Variants in NFIX observed in about 807,000 individuals in gnomAD.
NFIX encodes nuclear factor 1 X-type.
A neutral mutation model predicts 53.3 loss-of-function variants in NFIX; 2 were observed. The observed-to-expected ratio is 0.04, with a 90% CI of 0.02 to 0.12. The LOEUF is 0.12. NFIX is among the 10% of genes least tolerant of loss of function. NFIX has a pLI of 1.00. For synonymous variants in NFIX, 244 were observed against 289.0 expected (o/e 0.84, Z 1.58); for missense variants, 310 against 674.5 (o/e 0.46, Z 5.99).
intron 2 of NFIX, among the ~76,000 whole-genome samples, chr19:13,054,515 T>G (rs1175258234): frequency 6.6e-6 from 1 of 152,018 alleles, no homozygotes; most frequent in African/African-American, 2.4e-5. Flanking sequence ...GTGGGACGTT[T>G]CCCTGCACTC....
rs201174259 is a variant in NFIX, at chr19:13,081,741, G to A, written c.1140G>A (p.Ser380=). The part of the protein sequence containing the change: ...HFPSTSIIQQ[S]SPYFTHPTIR... ...CCTCCACGTCCATCATCCAGCAGTC[G>A]AGCCCGTATTTCACGCACCCGACCA... The change falls in exon 8 of 11, where the codon TCG becomes TCA. Residue 380 remains serine (S), a synonymous_variant. Transcript: ENST00000592199. The surrounding 1 kb of genome is among the most constrained non-coding windows in gnomAD (Gnocchi z 4.7). 3.0e-3 allele frequency: 4,773 copies of A among 1,613,872 alleles called. 6 individuals carry two copies. The highest frequency in any genetic ancestry group is 3.5e-3 in the Non-Finnish European group (4,140 of 1,179,878).
intron 1 of NFIX, among the ~76,000 whole-genome samples, chr19:13,007,809 G>A (rs1407022901): frequency 2.0e-5 from 3 of 151,888 alleles, no homozygotes; most frequent in South Asian, 2.1e-4. Context: ...AACCCAAGGC[G>A]GCCCTGTGGA....
chr19:13,090,528 C>A lies in NFIX; in HGVS notation c.1494+138C>A. On this transcript the variant is annotated intron_variant, in intron 10 of 10. Coordinates refer to ENST00000592199, the MANE Select transcript of NFIX (RefSeq NM_001365902.3). The surrounding 1 kb of genome is among the most constrained non-coding windows in gnomAD (Gnocchi z 6.6). ...AGGTCTGAGGTGGGGCTGGAGGGCC[C>A]AGGCTTTTGCACGCCCAGCTGAGCC... is the stretch of plus-strand genomic sequence containing the variant. The A allele has an allele frequency of 1.2e-6, 1 of 816,288 alleles. No homozygotes were observed. The highest frequency in any genetic ancestry group is 2.1e-6 in the Non-Finnish European group (1 of 487,632). The allele number at this position is 816,288 out of a possible 1,614,324, so 50.6% of individuals were successfully genotyped here.
chr19:13,048,448 G>A (rs1396180754), intron 2 of NFIX, among the ~76,000 whole-genome samples: 1 of 151,700 alleles, frequency 6.6e-6, no homozygotes, highest in Non-Finnish European at 1.5e-5. Flanking sequence ...ACCAGGCTGA[G>A]TTTTCAGAAC....
At chr19:13,070,702 C>T (rs1240091227) in intron 2 of NFIX, 1 of 152,448 alleles carries the variant, frequency 6.6e-6, no homozygotes, top group Non-Finnish European at 1.5e-5. Flanking sequence ...GGAGCAGCGC[C>T]CGGAGGCGCG....
chr19:13,079,720 C>T (rs1324960885), intron 7 of NFIX, among the ~76,000 whole-genome samples: 1 of 152,214 alleles, frequency 6.6e-6, no homozygotes, highest in African/African-American at 2.4e-5. Context: ...AGGGCGCAGG[C>T]CTGGCTCCTC....
At chr19:13,038,930 G>A (rs1357398144) in intron 2 of NFIX, among the ~76,000 whole-genome samples, 1 of 152,186 alleles carries the variant, frequency 6.6e-6, no homozygotes, top group Non-Finnish European at 1.5e-5. Flanking sequence ...GCTAATAAGC[G>A]TGGATGGGGA....
Position 13,040,437 on chromosome 19 carries a change from G to A in NFIX, c.559+14885G>A, listed in dbSNP as rs893207019. On this transcript the variant is annotated intron_variant, in intron 2 of 10. Coordinates refer to ENST00000592199, the MANE Select transcript of NFIX (RefSeq NM_001365902.3). The surrounding 1 kb of genome is among the most constrained non-coding windows in gnomAD (Gnocchi z 4.2). ...TCCCGTGCCAGATCTTCCCTGCCAC[G>A]CTAGCCTGGTGGATGCCCTGCGGCA... is the stretch of plus-strand genomic sequence containing the variant. Among the ~76,000 whole-genome samples, 4 of 152,226 alleles carry A rather than the reference G, an allele frequency of 2.6e-5. No homozygotes were observed. Among genetic ancestry groups the A allele is most frequent in the Non-Finnish European group, 4.4e-5 (3 of 68,044 alleles).
intron 1 of NFIX, chr19:13,024,789 T>C: frequency 1.4e-6 from 2 of 1,461,050 alleles, no homozygotes; most frequent in Non-Finnish European, 1.9e-6. Flanking sequence ...GTCTGGCTGC[T>C]GAGGCTGAGA....
At chr19:13,017,922 C>T (rs1201591133) in intron 1 of NFIX, among the ~76,000 whole-genome samples, 1 of 152,222 alleles carries the variant, frequency 6.6e-6, no homozygotes, top group Non-Finnish European at 1.5e-5. Context: ...GTGTGAGGCT[C>T]TGCACTTCCC....
At position 13,040,271 on chromosome 19, in the gene NFIX, G is replaced by A. The variant is rs928353980; in HGVS notation, c.559+14719G>A. 1.3e-5 allele frequency among the ~76,000 whole-genome samples: 2 copies of A among 151,846 alleles called. No homozygotes were observed. Among genetic ancestry groups the A allele is most frequent in the African/African-American group, 4.8e-5 (2 of 41,314 alleles). On this transcript the variant is annotated intron_variant, in intron 2 of 10. Transcript: ENST00000592199. This position sits in a 1 kb window ranked among gnomAD's most constrained non-coding sequence, Gnocchi z 4.2. ...CCCACCCTCTCATAGGCCTTTTCTT[G>A]GTCTCCTTGGCTGTCCCTGCTAAAT... is the stretch of plus-strand genomic sequence containing the variant.
chr19:13,078,764 CA>C lies in NFIX; in HGVS notation c.1078+30del. 6.3e-7 allele frequency: 1 copy of C among 1,575,654 alleles called. No homozygotes were observed. Among genetic ancestry groups the C allele is most frequent in the Non-Finnish European group, 8.6e-7 (1 of 1,164,784 alleles). ...AGAAATGGGGGGCCCCGGAGGGGGG[CA>C]GTTGGGGAGGTGGCTGAGTATCTAG... On this transcript the variant is annotated intron_variant, in intron 7 of 10. Coordinates refer to ENST00000592199, the MANE Select transcript of NFIX (RefSeq NM_001365902.3). The surrounding 1 kb of genome is among the most constrained non-coding windows in gnomAD (Gnocchi z 4.7).
chr19:13,019,967 C>T (rs1300029509), intron 1 of NFIX, among the ~76,000 whole-genome samples: 1 of 151,270 alleles, frequency 6.6e-6, no homozygotes, highest in East Asian at 1.9e-4. Flanking sequence ...CTATTACCAG[C>T]ATCAGTGGCT....
chr19:13,079,455 C>T lies in NFIX; in HGVS notation c.1078+720C>T, dbSNP rs558161301. ...GTGGGAGCTGAGACCTCAGCCCTGT[C>T]ACTCCTTCACTTTCTTCTTCCCTCT... is the stretch of plus-strand genomic sequence containing the variant. On this transcript the variant is annotated intron_variant, in intron 7 of 10. Transcript: ENST00000592199. Among the ~76,000 whole-genome samples, 4 of 152,368 alleles carry T rather than the reference C, an allele frequency of 2.6e-5. No individual in the cohort carries two copies. The South Asian group carries it at 8.3e-4, about 32-fold the overall frequency.
chr19:13,023,986 A>G, intron 1 of NFIX: 1 of 1,289,570 alleles, frequency 7.8e-7, no homozygotes. Flanking sequence ...TTTTGAGTCC[A>G]GAATCTCAGA....
At position 13,075,415 on chromosome 19, in the gene NFIX, G is replaced by A. The variant is rs546466261; in HGVS notation, c.819-120G>A. The A allele has an allele frequency of 4.6e-4, 513 of 1,112,530 alleles. 2 individuals are homozygous for A. The highest frequency in any genetic ancestry group is 5.8e-4 in the Non-Finnish European group (456 of 788,220). 68.9% of individuals were successfully genotyped at this position (1,112,530 alleles called of 1,614,324 possible). A position where few individuals can be genotyped will look rare whatever the true frequency, so the allele number is the denominator to read the frequency against. On this transcript the variant is annotated intron_variant, in intron 5 of 10. Transcript: ENST00000592199. ...GTGAGTGCCCAGAAATGCTGCTGTC[G>A]GCCGGCACCACTCCCCACCCAGAGG...
intron 1 of NFIX, chr19:13,024,112 C>CAA: frequency 5.0e-5 from 29 of 585,516 alleles, no homozygotes; most frequent in Admixed American, 1.9e-4. Flanking sequence ...AAGCAAACAA[C>CAA]CAAAAAAAAA....
chr19:13,067,468 G>T lies in NFIX; in HGVS notation c.560-5579G>T, dbSNP rs2016488027. Reference sequence around the variant, plus strand: ...CACCTCCGTGTGTGTGCGCGCGTGTGTGTGTGTGTGTGTGCGTGTGTGTGT... The same window carrying T: ...CACCTCCGTGTGTGTGCGCGCGTGTTTGTGTGTGTGTGTGCGTGTGTGTGT... On this transcript the variant is annotated intron_variant, in intron 2 of 10. Transcript: ENST00000592199. This position sits in a 1 kb window ranked among gnomAD's most constrained non-coding sequence, Gnocchi z 4.2. Among the ~76,000 whole-genome samples the T allele has an allele frequency of 9.1e-6, 1 of 109,994 alleles. No homozygotes were observed. Among genetic ancestry groups the T allele is most frequent in the Non-Finnish European group, 1.8e-5 (1 of 54,640 alleles). 72.2% of individuals were successfully genotyped at this position (109,994 alleles called of 152,430 possible).
chr19:12,999,366 G>A (rs1219603658), intron 1 of NFIX, among the ~76,000 whole-genome samples: 2 of 151,726 alleles, frequency 1.3e-5, no homozygotes, highest in South Asian at 4.2e-4. Context: ...TGAAGATGGG[G>A]TTTCACCATC....
Sources: gnomAD v4.1 joint callset for allele counts (sites outside exome capture counted in the v4.1 genomes callset) on GRCh38, gnomAD v4.1.1 for gene constraint, Gnocchi (gnomAD v3.1) non-coding constraint, MANE v1.5 for transcripts, NCBI Gene and HGNC (gene_info 2026-07-23, HGNC 2026-07-21) for gene names.